The following RRAS2 variants were observed in gnomAD, a reference collection of about 807,000 sequenced individuals.
RRAS2 encodes the protein ras-related protein R-Ras2.
RRAS2 carries 7 observed loss-of-function variants against 27.6 expected under a neutral mutation model. That is an observed-to-expected ratio of 0.25 (90% CI 0.14 to 0.48). The LOEUF is 0.48. RRAS2 is among the 20% of genes least tolerant of loss of function. RRAS2 has a pLI of 0.99. For synonymous variants in RRAS2, 86 were observed against 90.9 expected, an observed-to-expected ratio of 0.95 and a Z score of 0.31; for missense variants, 178 against 256.2, an observed-to-expected ratio of 0.69 and a Z score of 2.08.
Position 14,318,683 on chromosome 11 carries a change from A to G in RRAS2, c.109-22828T>C, listed in dbSNP as rs782169992. Among the ~76,000 whole-genome samples the G allele has an allele frequency of 7.4e-4, 112 of 152,338 alleles. No individual in the cohort carries two copies. In the Middle Eastern group the frequency reaches 0.017, roughly 23 times the overall value. ...TGTAGTCATTCCAGCTCAGCAGGGC[A>G]GTGGAACAGCTGAGACAGAAGAAAT... On this transcript the variant is annotated intron_variant, in intron 1 of 5. Transcript: ENST00000256196.
At chr11:14,326,505 T>C (rs1848359851) in intron 1 of RRAS2, among the ~76,000 whole-genome samples, 1 of 152,234 alleles carries the variant, frequency 6.6e-6, no homozygotes, top group Non-Finnish European at 1.5e-5. Flanking sequence ...GAAAAGATTG[T>C]AAATATACAA....
intron 4 of RRAS2, among the ~76,000 whole-genome samples, chr11:14,286,760 T>G (rs1464097622): frequency 2.6e-5 from 4 of 152,250 alleles, no homozygotes; most frequent in Non-Finnish European, 4.4e-5. Flanking sequence ...TCTAAGTTTA[T>G]CTAACTTTTA....
intron 1 of RRAS2, among the ~76,000 whole-genome samples, chr11:14,354,903 C>T (rs1402102072): frequency 6.6e-6 from 1 of 152,016 alleles, no homozygotes; most frequent in African/African-American, 2.4e-5. Context: ...TCTCAAACTC[C>T]TGACCTCAAG....
chr11:14,298,281 C>T (rs1331303086), intron 1 of RRAS2, among the ~76,000 whole-genome samples: 1 of 152,184 alleles, frequency 6.6e-6, no homozygotes, highest in African/African-American at 2.4e-5. Flanking sequence ...ACTGTCCCTA[C>T]TGATTTGGCC....
rs186923445 is a variant in RRAS2, at chr11:14,318,435, A to G, written c.109-22580T>C. On this transcript the variant is annotated intron_variant, in intron 1 of 5. Transcript: ENST00000256196. ...GGATAATCACTTGAACCTGAGAGGCAGAGGTTGCAGTGAGCTGAGACCATG... is the reference window on the plus strand; with the variant it reads ...GGATAATCACTTGAACCTGAGAGGCGGAGGTTGCAGTGAGCTGAGACCATG... Among the ~76,000 whole-genome samples, 11 of 152,170 alleles carry G rather than the reference A, an allele frequency of 7.2e-5. No homozygotes were observed. The East Asian group carries it at 2.1e-3, about 29-fold the overall frequency.
chr11:14,294,365 G>T, intron 4 of RRAS2, 106 bp downstream of exon 4: 1 of 611,146 alleles, frequency 1.6e-6, no homozygotes, highest in Non-Finnish European at 2.5e-6. Flanking sequence ...GTGGCATGGA[G>T]CACCGTATTT....
intron 1 of RRAS2, among the ~76,000 whole-genome samples, chr11:14,299,995 A>G (rs1158676145): frequency 2.6e-5 from 4 of 152,276 alleles, no homozygotes; most frequent in Admixed American, 6.5e-5. Context: ...AAAGTTACCA[A>G]CCACAGCCCA....
At chr11:14,281,748 T>C (rs1554944360) in intron 4 of RRAS2, 28 bp from the exon 5 acceptor site, 3 of 1,537,648 alleles carry the variant, frequency 2.0e-6, no homozygotes, top group Non-Finnish European at 2.7e-6. Flanking sequence ...ATGTTTATGG[T>C]ACATTATTAA....
At chr11:14,362,246 C>T (rs1344778950), upstream of RRAS2, among the ~76,000 whole-genome samples, 4 of 152,036 alleles carry the variant, frequency 2.6e-5, no homozygotes, top group African/African-American at 9.7e-5. Flanking sequence ...AGTGAAGCTA[C>T]AAGGAAAAAA....
intron 1 of RRAS2, among the ~76,000 whole-genome samples, chr11:14,314,838 G>A (rs929191125): frequency 6.6e-5 from 10 of 152,024 alleles, no homozygotes; most frequent in East Asian, 1.9e-4. Flanking sequence ...ACAGGCACAC[G>A]CCACTATGCC....
At chr11:14,291,986 G>T (rs1230383376) in intron 4 of RRAS2, among the ~76,000 whole-genome samples, 3 of 152,164 alleles carry the variant, frequency 2.0e-5, no homozygotes, top group African/African-American at 7.2e-5. Flanking sequence ...ATAGCCTAAA[G>T]ATAATTTTAT....
chr11:14,358,687 C>A lies in RRAS2; in HGVS notation c.108+76G>T. The A allele has an allele frequency of 9.5e-7, 1 of 1,049,344 alleles. No homozygotes were observed. The highest frequency in any genetic ancestry group is 1.1e-6 in the Non-Finnish European group (1 of 871,036). The allele number at this position is 1,049,344 out of a possible 1,614,324, so 65.0% of individuals were successfully genotyped here. Reference sequence around the variant, plus strand: ...AGGCGCCTCTGGGGCGAGGTCGCGGCGGCCGCCCCGCCACAGGTAGCGCCA... The same window carrying A: ...AGGCGCCTCTGGGGCGAGGTCGCGGAGGCCGCCCCGCCACAGGTAGCGCCA... On this transcript the variant is annotated intron_variant, in intron 1 of 5. Transcript: ENST00000256196. This position sits in a 1 kb window ranked among gnomAD's most constrained non-coding sequence, Gnocchi z 5.1.
In RRAS2 at chr11:14,344,983, C is replaced by CTTTTTTT. The variant is rs782306600; in HGVS notation, c.108+13779_108+13780insAAAAAAA. ...TTTATTTCCTGTGCCCTACTCAAGA[C>CTTTTTTT]TTTATTTTTTTTTTTTTTTTTTTTG... On this transcript the variant is annotated intron_variant, in intron 1 of 5. Transcript: ENST00000256196. Among the ~76,000 whole-genome samples, 14 of 78,996 alleles carry CTTTTTTT rather than the reference C, an allele frequency of 1.8e-4. 4 individuals are homozygous for CTTTTTTT. The highest frequency in any genetic ancestry group is 1.4e-4 in the African/African-American group (3 of 20,780). The allele number at this position is 78,996 out of a possible 152,430, so 51.8% of individuals were successfully genotyped here.
chr11:14,358,408 G>T lies in RRAS2; in HGVS notation c.108+355C>A. The stretch of plus-strand genomic sequence containing the variant: ...CGCGGGGCTCCAGCTCCAGCCCCAC[G>T]CCCGGACCCTCGGAGCAGTAAAGCC... On this transcript the variant is annotated intron_variant, in intron 1 of 5. Coordinates refer to ENST00000256196, the MANE Select transcript of RRAS2 (RefSeq NM_012250.6). This position sits in a 1 kb window ranked among gnomAD's most constrained non-coding sequence, Gnocchi z 5.1. The T allele has an allele frequency of 1.0e-6, 1 of 985,350 alleles. No individual in the cohort carries two copies. Among genetic ancestry groups the T allele is most frequent in the Non-Finnish European group, 1.2e-6 (1 of 830,008 alleles). 61.0% of individuals were successfully genotyped at this position (985,350 alleles called of 1,614,324 possible).
chr11:14,319,957 C>A (rs1554950063), intron 1 of RRAS2, among the ~76,000 whole-genome samples: 2 of 152,164 alleles, frequency 1.3e-5, no homozygotes, highest in African/African-American at 4.8e-5. Flanking sequence ...AGCTATGTTA[C>A]ATGTTTAAAA....
At chr11:14,324,264 C>CA (rs1235013440) in intron 1 of RRAS2, among the ~76,000 whole-genome samples, 53 of 148,648 alleles carry the variant, frequency 3.6e-4, no homozygotes, top group Non-Finnish European at 4.5e-4. Flanking sequence ...AAATAAACAG[C>CA]AAAAAAAAAT....
At chr11:14,312,319 C>T (rs1847989084) in intron 1 of RRAS2, among the ~76,000 whole-genome samples, 1 of 152,228 alleles carries the variant, frequency 6.6e-6, no homozygotes, top group Admixed American at 6.5e-5. Context: ...CTATGATATA[C>T]TATTCATTTG....
intron 4 of RRAS2, among the ~76,000 whole-genome samples, chr11:14,291,246 C>T (rs1469941723): frequency 1.3e-5 from 2 of 152,116 alleles, no homozygotes; most frequent in Non-Finnish European, 2.9e-5. Context: ...TAAAAATTAT[C>T]CAAACAAATG....
chr11:14,347,761 G>T (rs1478855752), intron 1 of RRAS2, among the ~76,000 whole-genome samples: 1 of 152,014 alleles, frequency 6.6e-6, no homozygotes, highest in African/African-American at 2.4e-5. Flanking sequence ...AGGGTGCAGT[G>T]ACCTGTCATC....
Sources: gnomAD v4.1 joint callset for allele counts (sites outside exome capture counted in the v4.1 genomes callset) on GRCh38, gnomAD v4.1.1 for gene constraint, Gnocchi (gnomAD v3.1) non-coding constraint, MANE v1.5 for transcripts, NCBI Gene and HGNC (gene_info 2026-07-23, HGNC 2026-07-21) for gene names.